Variants in GLB1 observed in about 807,000 individuals in gnomAD.
The protein encoded by GLB1 is beta-galactosidase.
Under a neutral mutation model 74.0 loss-of-function variants are expected in GLB1, and 56 were observed. The ratio of observed to expected loss-of-function variants is 0.76; its 90% confidence interval spans 0.61 to 0.94. GLB1 has a LOEUF of 0.94. GLB1 is among the 40% of genes least tolerant of loss of function. GLB1 has a pLI of 0.00. For missense variants in GLB1, 787 were observed against 845.5 expected, an observed-to-expected ratio of 0.93 and a Z score of 0.86; for synonymous variants, 323 against 323.6, an observed-to-expected ratio of 1.00 and a Z score of 0.02.
the GLB1 span, among the ~76,000 whole-genome samples, chr3:32,987,070 G>C: frequency 6.6e-6 from 1 of 152,246 alleles, no homozygotes; most frequent in African/African-American, 2.4e-5. Flanking sequence ...ACAGCTCACA[G>C]ATGCCCTCTT....
intron 15 of GLB1, among the ~76,000 whole-genome samples, chr3:32,998,243 C>T (rs569694817): frequency 1.4e-4 from 22 of 152,370 alleles, no homozygotes; most frequent in African/African-American, 4.3e-4. Flanking sequence ...TGCAGTGGCT[C>T]ATGCCTGTAA....
chr3:33,066,414 C>T (rs559318943), intron 4 of GLB1, among the ~76,000 whole-genome samples: 5 of 152,298 alleles, frequency 3.3e-5, no homozygotes, highest in African/African-American at 1.2e-4. Flanking sequence ...CACTCAGCCC[C>T]CTCACCATGT....
At chr3:33,065,689 T>C in intron 4 of GLB1, 132 bp from the exon 5 acceptor site, 2 of 1,076,678 alleles carry the variant, frequency 1.9e-6, no homozygotes, top group Non-Finnish European at 1.3e-6. Flanking sequence ...GTTTTCTGGC[T>C]GGGTGCGGTG....
chr3:32,988,781 T>C, the GLB1 span, among the ~76,000 whole-genome samples: 2 of 152,058 alleles, frequency 1.3e-5, no homozygotes, highest in Non-Finnish European at 2.9e-5. Context: ...TATCAGGCAA[T>C]CACAGAAGCT....
At chr3:32,997,979 C>T (rs1696385504) in intron 15 of GLB1, among the ~76,000 whole-genome samples, 1 of 152,158 alleles carries the variant, frequency 6.6e-6, no homozygotes, top group African/African-American at 2.4e-5. Context: ...GAGGCTTATC[C>T]AGTTGGGTGT....
chr3:33,016,884 A>C, intron 13 of GLB1, 44 bp from the exon 14 acceptor site: 1 of 1,608,848 alleles, frequency 6.2e-7, no homozygotes, highest in Non-Finnish European at 8.5e-7. Context: ...GAGGGTAAGA[A>C]GGTCAGCAAG....
downstream of GLB1, among the ~76,000 whole-genome samples, chr3:32,995,566 C>T (rs1359067460): frequency 6.6e-6 from 1 of 151,994 alleles, no homozygotes; most frequent in Non-Finnish European, 1.5e-5. Context: ...TGTTTAAAGA[C>T]TCACTGTTCA....
chr3:33,080,643 G>A (rs1343886208), intron 1 of GLB1, among the ~76,000 whole-genome samples: 1 of 152,198 alleles, frequency 6.6e-6, no homozygotes, highest in East Asian at 1.9e-4. Flanking sequence ...AATAATTCTG[G>A]AGACACTTTG....
At chr3:33,048,806 G>A (rs746967070) in intron 9 of GLB1, among the ~76,000 whole-genome samples, 32 of 152,304 alleles carry the variant, frequency 2.1e-4, no homozygotes, top group Admixed American at 2.6e-4. Context: ...CTGAGTTCCA[G>A]TCCAAGCTTC....
chr3:33,014,902 G>A (rs1265215857), intron 14 of GLB1, among the ~76,000 whole-genome samples: 1 of 152,222 alleles, frequency 6.6e-6, no homozygotes, highest in Non-Finnish European at 1.5e-5. Context: ...GACAGGTGGA[G>A]GTTGCAGTGA....
At chr3:33,061,224 A>G (rs1460104602) in intron 5 of GLB1, among the ~76,000 whole-genome samples, 1 of 152,168 alleles carries the variant, frequency 6.6e-6, no homozygotes, top group Non-Finnish European at 1.5e-5. Context: ...CAGCCTGGCC[A>G]ACATGGTGAA....
chr3:32,979,638 C>T, the GLB1 span, among the ~76,000 whole-genome samples: 166 of 151,384 alleles, frequency 1.1e-3, no homozygotes, highest in African/African-American at 3.8e-3. Context: ...GGATTTCTTG[C>T]GAATAAGACT....
At chr3:32,990,981 T>A in the GLB1 span, among the ~76,000 whole-genome samples, 1 of 151,826 alleles carries the variant, frequency 6.6e-6, no homozygotes, top group African/African-American at 2.4e-5. Context: ...CTAAAAATAA[T>A]AATAATAATA....
At chr3:33,018,303 A>C in intron 13 of GLB1, 145 bp downstream of exon 13, 1 of 441,454 alleles carries the variant, frequency 2.3e-6, no homozygotes, top group East Asian at 3.7e-5. Flanking sequence ...AAAAAAAAAA[A>C]AAAAAAAAAA....
chr3:33,058,368 T>C, intron 5 of GLB1, 99 bp from the exon 6 acceptor site: 1 of 1,545,652 alleles, frequency 6.5e-7, no homozygotes, highest in South Asian at 1.2e-5. Context: ...TCTGCTAAGA[T>C]GACAAGGCTT....
At chr3:33,092,321 G>T in intron 1 of GLB1, 1 of 987,346 alleles carries the variant, frequency 1.0e-6, no homozygotes, top group Non-Finnish European at 1.2e-6. Flanking sequence ...TTCTCTAGCA[G>T]CCAGAGGGCC....
Position 33,093,213 on chromosome 3 carries a change from C to A in GLB1, c.75+3798G>T. On this transcript the variant is annotated intron_variant, in intron 1 of 15. Transcript: ENST00000307363. The surrounding 1 kb of genome is among the most constrained non-coding windows in gnomAD (Gnocchi z 6.0). ...ATCGTCCACCCCAGCCAAGCAGATC[C>A]AGTCCTCATCCTCACTCCCACTGCC... 6.2e-7 allele frequency: 1 copy of A among 1,613,842 alleles called. No individual in the cohort carries two copies. The highest frequency in any genetic ancestry group is 1.1e-5 in the South Asian group (1 of 91,058).
At chr3:33,058,993 T>C (rs1026342325) in intron 5 of GLB1, among the ~76,000 whole-genome samples, 3 of 152,186 alleles carry the variant, frequency 2.0e-5, no homozygotes, top group African/African-American at 7.2e-5. Flanking sequence ...CTGGAAATGT[T>C]TGAGGTTGTC....
chr3:33,061,321 C>G, intron 5 of GLB1, among the ~76,000 whole-genome samples: 1 of 152,068 alleles, frequency 6.6e-6, no homozygotes, highest in South Asian at 2.1e-4. Context: ...GGCTCAGGTG[C>G]GAGAATTGCT....
Sources: allele counts gnomAD v4.1 joint callset (sites outside exome capture counted in the v4.1 genomes callset), GRCh38; gene constraint gnomAD v4.1.1; non-coding constraint Gnocchi (gnomAD v3.1); transcripts MANE v1.5; gene names NCBI Gene and HGNC (gene_info 2026-07-23, HGNC 2026-07-21).